The following ATL1 variants were observed in gnomAD, a reference collection of about 807,000 sequenced individuals.
ATL1 encodes the protein atlastin-1.
Under a neutral mutation model 75.5 loss-of-function variants are expected in ATL1, and 31 were observed. The ratio of observed to expected loss-of-function variants is 0.41; its 90% CI spans 0.31 to 0.55. The LOEUF is 0.55. Among genes scored for constraint, ATL1 ranks in the 20% least tolerant of loss-of-function variants. ATL1 has a pLI of 0.27. For missense variants in ATL1, 405 were observed against 662.6 expected, an observed-to-expected ratio of 0.61 and a Z score of 4.27; for synonymous variants, 226 against 233.3, an observed-to-expected ratio of 0.97 and a Z score of 0.28.
intron 1 of ATL1, chr14:50,560,595 C>G (rs1189287848): frequency 2.2e-6 from 1 of 452,050 alleles, no homozygotes; most frequent in Non-Finnish European, 4.1e-6. Flanking sequence ...ACCCACCAGG[C>G]GCCTCCGGGG....
intron 1 of ATL1, among the ~76,000 whole-genome samples, chr14:50,585,713 G>A (rs976611780): frequency 6.6e-6 from 1 of 152,136 alleles, no homozygotes; most frequent in Non-Finnish European, 1.5e-5. Context: ...AGCATAGTGA[G>A]CCATTGGGAA....
intron 1 of ATL1, among the ~76,000 whole-genome samples, chr14:50,537,339 T>C (rs1177466243): frequency 6.6e-6 from 1 of 152,198 alleles, no homozygotes; most frequent in Non-Finnish European, 1.5e-5. Flanking sequence ...TCAGATGATG[T>C]ATGGAAATGC....
chr14:50,577,089 G>A (rs1337796745), intron 1 of ATL1, among the ~76,000 whole-genome samples: 1 of 152,116 alleles, frequency 6.6e-6, no homozygotes, highest in African/African-American at 2.4e-5. Context: ...TTGAGATGGA[G>A]TCTTGCTCTG....
At chr14:50,601,515 C>T (rs2039271525) in intron 6 of ATL1, among the ~76,000 whole-genome samples, 1 of 152,062 alleles carries the variant, frequency 6.6e-6, no homozygotes, top group African/African-American at 2.4e-5. Flanking sequence ...ATACTTTTAC[C>T]ATGGCCAATT....
chr14:50,623,866 C>A (rs1366194686), intron 11 of ATL1, among the ~76,000 whole-genome samples: 1 of 151,916 alleles, frequency 6.6e-6, no homozygotes, highest in African/African-American at 2.4e-5. Flanking sequence ...GTCTGGCCAA[C>A]ATGGTGAAAC....
intron 9 of ATL1, 90 bp downstream of exon 9, chr14:50,620,816 T>C (rs1474778504): frequency 1.4e-6 from 2 of 1,458,012 alleles, no homozygotes; most frequent in African/African-American, 2.8e-5. Context: ...GACCCGATAA[T>C]ATGGGAGCAA....
At chr14:50,556,432 G>A (rs569034129), upstream of ATL1, among the ~76,000 whole-genome samples, 1 of 151,726 alleles carries the variant, frequency 6.6e-6, no homozygotes, top group African/African-American at 2.4e-5. Context: ...TGTACAGGCT[G>A]GTCTCGAACT....
intron 1 of ATL1, among the ~76,000 whole-genome samples, chr14:50,535,478 T>C (rs17792103): frequency 0.034 from 5,189 of 152,352 alleles, 128 homozygotes; most frequent in Non-Finnish European, 0.054. Context: ...TGTAACTCTA[T>C]GATTCAGTTG....
chr14:50,579,043 G>A (rs2039032587), intron 1 of ATL1, among the ~76,000 whole-genome samples: 1 of 152,128 alleles, frequency 6.6e-6, no homozygotes, highest in Non-Finnish European at 1.5e-5. Context: ...TTGCATGATG[G>A]TGAATATCTT....
chr14:50,554,250 C>T (rs772048106), intron 1 of ATL1, among the ~76,000 whole-genome samples: 19 of 152,112 alleles, frequency 1.2e-4, no homozygotes, highest in Non-Finnish European at 2.4e-4. Context: ...CCCGATTAAG[C>T]TTCTTTGACT....
At chr14:50,608,812 C>T (rs2039337744) in intron 6 of ATL1, among the ~76,000 whole-genome samples, 1 of 150,706 alleles carries the variant, frequency 6.6e-6, no homozygotes, top group African/African-American at 2.5e-5. Context: ...TTTCAAAATA[C>T]ATGTTTTAGC....
At chr14:50,581,097 ATAT>A (rs1347322623) in intron 1 of ATL1, among the ~76,000 whole-genome samples, 1 of 151,674 alleles carries the variant, frequency 6.6e-6, no homozygotes, top group Non-Finnish European at 1.5e-5. Flanking sequence ...GATCAGTCTT[ATAT>A]TATTAAGTTA....
intron 11 of ATL1, among the ~76,000 whole-genome samples, chr14:50,627,254 A>G (rs1470977031): frequency 1.3e-5 from 2 of 152,224 alleles, no homozygotes; most frequent in East Asian, 1.9e-4. Flanking sequence ...AAGTGTTCTT[A>G]AATTATGTAC....
chr14:50,570,349 T>G (rs1450107902), intron 1 of ATL1, among the ~76,000 whole-genome samples: 2 of 152,148 alleles, frequency 1.3e-5, no homozygotes, highest in Non-Finnish European at 2.9e-5. Flanking sequence ...AGTGAATTTT[T>G]CATTTCAATT....
intron 1 of ATL1, among the ~76,000 whole-genome samples, chr14:50,572,814 G>A (rs1240110928): frequency 6.6e-6 from 1 of 152,054 alleles, no homozygotes; most frequent in Non-Finnish European, 1.5e-5. Context: ...GTATTTTACT[G>A]TGTCATATTA....
Position 50,613,313 on chromosome 14 carries a change from G to T in ATL1, c.685G>T (p.Ala229Ser). The part of the protein sequence containing the change: ...WSFPYEFSYG[A>S]DGGAKFLEKR... ...TTTCCCATACGAATTTTCATATGGA[G>T]CCGATGGTGGTGCCAAATTCTTGGA... The change falls in exon 7 of 14, where the codon GCC (alanine) becomes TCC (serine). Residue 229 changes from alanine (A) to serine (S), a missense_variant. Ala to Ser is a moderately conservative substitution (Grantham distance 99). Around this residue, in one of 5 missense-constraint regions of ATL1, gnomAD observed 59 missense variants for 161.4 expected, o/e 0.37. Coordinates refer to ENST00000358385, the MANE Select transcript of ATL1 (RefSeq NM_015915.5). 1 of 1,613,368 alleles carries T rather than the reference G, an allele frequency of 6.2e-7. No individual in the cohort carries two copies. The highest frequency in any genetic ancestry group is 1.7e-4 in the Middle Eastern group (1 of 5,858).
chr14:50,625,377 G>T (rs1417249273), intron 11 of ATL1, among the ~76,000 whole-genome samples: 1 of 152,222 alleles, frequency 6.6e-6, no homozygotes, highest in Non-Finnish European at 1.5e-5. Context: ...TCTTGATGTA[G>T]AAGCTACAGC....
intron 1 of ATL1, among the ~76,000 whole-genome samples, chr14:50,585,110 G>T (rs2039089922): frequency 6.6e-6 from 1 of 152,112 alleles, no homozygotes; most frequent in South Asian, 2.1e-4. Flanking sequence ...CTCTGCAACT[G>T]ACAAAAACAA....
chr14:50,610,704 A>C (rs1173808603), intron 6 of ATL1, among the ~76,000 whole-genome samples: 1 of 152,172 alleles, frequency 6.6e-6, no homozygotes, highest in Non-Finnish European at 1.5e-5. Flanking sequence ...TGATTTATTC[A>C]ACAAATCTGT....
Sources: allele counts gnomAD v4.1 joint callset (sites outside exome capture counted in the v4.1 genomes callset), GRCh38; gene constraint gnomAD v4.1.1; regional missense constraint gnomAD v4.1.1; transcripts MANE v1.5; gene names NCBI Gene and HGNC (gene_info 2026-07-23, HGNC 2026-07-21).